The following TMCO5A variants were observed in gnomAD, a reference collection of about 807,000 sequenced individuals.
TMCO5A encodes transmembrane and coiled-coil domains 5A, also known as transmembrane and coiled-coil domain-containing protein 5A.
A neutral mutation model predicts 42.3 loss-of-function variants in TMCO5A; 34 were observed. The observed-to-expected ratio is 0.80, with a 90% CI of 0.61 to 1.07. The LOEUF (loss-of-function observed/expected upper bound fraction) is 1.07, where lower values mean the gene tolerates loss of function less well. TMCO5A is among the 50% of genes least tolerant of loss of function. The pLI, the probability that TMCO5A is intolerant of heterozygous loss-of-function variation, is 0.00. For missense variants in TMCO5A, 357 were observed against 327.9 expected (o/e 1.09, Z -0.69); for synonymous variants, 131 against 115.6 (o/e 1.13, Z -0.86).
At chr15:38,003,244 C>CTCTCTCTCTCTCTCTCTCTCTCTG in the TMCO5A span, among the ~76,000 whole-genome samples, 1 of 152,072 alleles carries the variant, frequency 6.6e-6, no homozygotes, top group African/African-American at 2.4e-5. Context: ...CTCTCTCTCT[C>CTCTCTCTCTCTCTCTCTCTCTCTG]TCTGTCTCCT....
the TMCO5A span, among the ~76,000 whole-genome samples, chr15:38,001,535 C>T: frequency 6.6e-6 from 1 of 150,638 alleles, no homozygotes; most frequent in Non-Finnish European, 1.5e-5. Flanking sequence ...TAAAGACTTA[C>T]TCCTGTCATT....
chr15:37,966,803 C>A, exon 12 of TMCO5A: 2 of 668,126 alleles, frequency 3.0e-6, no homozygotes, highest in Non-Finnish European at 5.4e-6. Flanking sequence ...GTCAATGTGG[C>A]CAGAGGGATG....
chr15:37,963,444 T>C (rs137883851), intron 11 of TMCO5A, among the ~76,000 whole-genome samples: 3,372 of 152,258 alleles, frequency 0.022, 135 homozygotes, highest in African/African-American at 0.078. Flanking sequence ...TTTTCTTAAA[T>C]TTATTGAGAC....
At chr15:37,982,721 ATATC>A in the TMCO5A span, among the ~76,000 whole-genome samples, 13 of 141,590 alleles carry the variant, frequency 9.2e-5, no homozygotes, top group Admixed American at 5.0e-4. Context: ...AATTATATAA[ATATC>A]TATAATATAT....
At chr15:37,981,202 A>AAAAAAAAAAAAAAAAAAAAAAAAC in the TMCO5A span, among the ~76,000 whole-genome samples, 1 of 77,478 alleles carries the variant, frequency 1.3e-5, no homozygotes. Context: ...AAAGCCAGCA[A>AAAAAAAAAAAAAAAAAAAAAAAAC]AAAAAAAAAA....
At chr15:37,982,402 G>A in the TMCO5A span, among the ~76,000 whole-genome samples, 2 of 113,992 alleles carry the variant, frequency 1.8e-5, no homozygotes, top group African/African-American at 9.0e-5. Flanking sequence ...ATAATCTTAT[G>A]TCTTTATAAT....
the TMCO5A span, among the ~76,000 whole-genome samples, chr15:38,023,289 T>G: frequency 1.3e-5 from 2 of 152,158 alleles, no homozygotes; most frequent in Non-Finnish European, 2.9e-5. Context: ...ACAAGAATAT[T>G]TCACTCCTGA....
the TMCO5A span, among the ~76,000 whole-genome samples, chr15:38,036,535 A>T: frequency 1.3e-5 from 2 of 150,620 alleles, no homozygotes; most frequent in South Asian, 4.2e-4. Context: ...CACTCTACAC[A>T]CTACACTTCA....
chr15:37,983,085 C>T, the TMCO5A span, among the ~76,000 whole-genome samples: 6 of 152,140 alleles, frequency 3.9e-5, no homozygotes, highest in East Asian at 1.9e-4. Context: ...GGGAGCTATC[C>T]GTACAGTAAG....
chr15:38,033,944 A>G, the TMCO5A span, among the ~76,000 whole-genome samples: 3 of 152,290 alleles, frequency 2.0e-5, no homozygotes, highest in Admixed American at 2.0e-4. Context: ...TTTTCTGTTG[A>G]TATAACAAAA....
chr15:37,947,778 A>C (rs558666929), intron 11 of TMCO5A, 82 bp downstream of exon 11: 5 of 921,068 alleles, frequency 5.4e-6, no homozygotes, highest in Non-Finnish European at 8.7e-6. Context: ...AAGTCTAGAC[A>C]AGGAGAGCCT....
At chr15:38,028,901 A>G in the TMCO5A span, among the ~76,000 whole-genome samples, 1 of 152,196 alleles carries the variant, frequency 6.6e-6, no homozygotes, top group African/African-American at 2.4e-5. Context: ...AAAGGACCAA[A>G]AATGACCTCA....
intron 8 of TMCO5A, 33 bp from the exon 9 acceptor site, chr15:37,942,158 A>G: frequency 1.2e-6 from 2 of 1,600,856 alleles, no homozygotes; most frequent in Non-Finnish European, 1.7e-6. Flanking sequence ...CCTTCTAAGT[A>G]GTAACTGTGG....
Position 37,936,839 on chromosome 15 carries a change from T to C in TMCO5A, c.141-8T>C. ...TGGGTCCTCATGGCATGTGCTTGTG[T>C]TGTCCAGGCTGGAAAGTGAGATCAT... is the stretch of plus-strand genomic sequence containing the variant. On this transcript the variant is annotated splice_polypyrimidine_tract_variant and splice_region_variant and intron_variant, in intron 3 of 11. Transcript: ENST00000319669. The C allele has an allele frequency of 6.2e-7, 1 of 1,611,248 alleles. No individual in the cohort carries two copies. The highest frequency in any genetic ancestry group is 8.5e-7 in the Non-Finnish European group (1 of 1,178,676).
rs777982206 is a variant in TMCO5A at position 37,951,286 on chromosome 15, T to C, written c.*52T>C. ...AGAAGGGAAGTGGGATCCGAGCCTG[T>C]AGAAGGGAGGCATGAAACTTGTGGA... On this transcript the variant is annotated 3_prime_UTR_variant, in exon 12 of 12. Transcript: ENST00000319669. 1.3e-6 allele frequency: 2 copies of C among 1,554,738 alleles called. No homozygotes were observed. The highest frequency in any genetic ancestry group is 1.1e-5 in the South Asian group (1 of 87,634).
At chr15:38,027,828 T>G in the TMCO5A span, among the ~76,000 whole-genome samples, 1 of 152,158 alleles carries the variant, frequency 6.6e-6, no homozygotes, top group Non-Finnish European at 1.5e-5. Flanking sequence ...GGGGTTTCCC[T>G]CTTTGCTTGG....
chr15:37,970,862 C>T (rs534655097), downstream of TMCO5A, among the ~76,000 whole-genome samples: 10 of 152,336 alleles, frequency 6.6e-5, no homozygotes, highest in East Asian at 1.9e-3. Flanking sequence ...GGTGGTTTCC[C>T]ATAGTCTTGG....
At chr15:37,940,364 T>C (rs887785750) in intron 6 of TMCO5A, among the ~76,000 whole-genome samples, 11 of 152,146 alleles carry the variant, frequency 7.2e-5, no homozygotes, top group African/African-American at 2.7e-4. Context: ...AAGCCAAATC[T>C]GTGATAACCT....
exon 12 of TMCO5A, chr15:37,966,834 C>A (rs1890569863): frequency 3.2e-6 from 2 of 625,388 alleles, no homozygotes; most frequent in South Asian, 1.9e-5. Flanking sequence ...ATTGGTCAAG[C>A]TTATGTCATA....
Sources: allele counts gnomAD v4.1 joint callset (sites outside exome capture counted in the v4.1 genomes callset), GRCh38; gene constraint gnomAD v4.1.1; transcripts MANE v1.5; gene names NCBI Gene and HGNC (gene_info 2026-07-23, HGNC 2026-07-21).